Variants in GPC6 observed in about 807,000 individuals in gnomAD.
GPC6 encodes glypican-6.
A neutral mutation model predicts 55.2 loss-of-function variants in GPC6; 14 were observed. The observed-to-expected ratio is 0.25, with a 90% CI of 0.17 to 0.40. The LOEUF is 0.40. GPC6 is among the 10% of genes least tolerant of loss of function. The pLI is 1.00. For missense variants in GPC6, 641 were observed against 708.5 expected (o/e 0.90, Z 1.08); for synonymous variants, 278 against 259.6 (o/e 1.07, Z -0.68).
At chr13:94,390,704 A>T (rs1031112452) in intron 7 of GPC6, among the ~76,000 whole-genome samples, 4 of 152,158 alleles carry the variant, frequency 2.6e-5, no homozygotes, top group African/African-American at 9.7e-5. Context: ...ATGAGATTTG[A>T]ACACAAATCC....
chr13:93,614,792 GT>G (rs1316184800), intron 2 of GPC6, among the ~76,000 whole-genome samples: 1 of 152,016 alleles, frequency 6.6e-6, no homozygotes. Context: ...AGCATAACAC[GT>G]TTTGTTTAGA....
intron 2 of GPC6, among the ~76,000 whole-genome samples, chr13:93,676,309 C>G (rs913505417): frequency 2.6e-5 from 4 of 151,054 alleles, no homozygotes; most frequent in African/African-American, 9.8e-5. Flanking sequence ...CCCAGCTACT[C>G]AGGAGTCTGA....
chr13:94,187,504 C>T (rs749602945), intron 4 of GPC6: 2 of 152,206 alleles, frequency 1.3e-5, no homozygotes, highest in Non-Finnish European at 2.9e-5. Context: ...AATCGTGTCA[C>T]TTGATTATAA....
chr13:93,552,090 G>A (rs1030150443), intron 2 of GPC6, among the ~76,000 whole-genome samples: 4 of 152,136 alleles, frequency 2.6e-5, no homozygotes, highest in Non-Finnish European at 5.9e-5. Flanking sequence ...TTAGCTGAAT[G>A]CCTTCTGTAC....
At chr13:93,911,176 C>T (rs1876954836) in intron 3 of GPC6, among the ~76,000 whole-genome samples, 1 of 152,146 alleles carries the variant, frequency 6.6e-6, no homozygotes, top group African/African-American at 2.4e-5. Flanking sequence ...GAGGCATTCA[C>T]AGGCAAAGTC....
In GPC6 at chr13:93,826,141, T is replaced by G. The variant is rs1887237540; in HGVS notation, c.320-4013T>G. Among the ~76,000 whole-genome samples the G allele has an allele frequency of 2.0e-5, 3 of 152,222 alleles. No individual in the cohort carries two copies. The South Asian group carries it at 6.2e-4, about 32-fold the overall frequency. ...TCCCAAAGTGCTGAGATTACAGGCA[T>G]GAGCCACTGCACCCGGCCGGATGTC... is the stretch of plus-strand genomic sequence containing the variant. On this transcript the variant is annotated intron_variant, in intron 2 of 8. Coordinates refer to ENST00000377047, the MANE Select transcript of GPC6 (RefSeq NM_005708.5).
intron 1 of GPC6, among the ~76,000 whole-genome samples, chr13:93,543,139 C>T (rs9524117): frequency 0.12 from 18,055 of 151,838 alleles, 1,320 homozygotes; most frequent in East Asian, 0.29. Context: ...TAGCCCATTC[C>T]ATATGATATT....
intron 1 of GPC6, among the ~76,000 whole-genome samples, chr13:93,535,045 G>T (rs936831206): frequency 6.6e-6 from 1 of 152,132 alleles, no homozygotes; most frequent in Non-Finnish European, 1.5e-5. Flanking sequence ...ATGAATAAGG[G>T]TATAGCTATT....
intron 4 of GPC6, among the ~76,000 whole-genome samples, chr13:94,100,998 A>G (rs1442505881): frequency 6.6e-6 from 1 of 152,252 alleles, no homozygotes; most frequent in Non-Finnish European, 1.5e-5. Flanking sequence ...GCTGCTAAGC[A>G]CTGGTCATTG....
chr13:93,834,184 TG>T (rs1186717972), intron 3 of GPC6, among the ~76,000 whole-genome samples: 1 of 152,006 alleles, frequency 6.6e-6, no homozygotes, highest in Non-Finnish European at 1.5e-5. Flanking sequence ...TGTAGAAGAG[TG>T]TTTGTAGCAG....
intron 1 of GPC6, among the ~76,000 whole-genome samples, chr13:93,341,487 C>A (rs898874056): frequency 6.6e-6 from 1 of 152,016 alleles, no homozygotes; most frequent in Non-Finnish European, 1.5e-5. Context: ...TTTGCATATC[C>A]CTGATGATTA....
At chr13:94,209,116 A>C (rs973719336) in intron 4 of GPC6, among the ~76,000 whole-genome samples, 1 of 152,138 alleles carries the variant, frequency 6.6e-6, no homozygotes, top group African/African-American at 2.4e-5. Flanking sequence ...CATCTGCACA[A>C]CACTTGTCAA....
intron 8 of GPC6, among the ~76,000 whole-genome samples, chr13:94,398,943 T>G (rs1881011155): frequency 6.6e-6 from 1 of 152,208 alleles, no homozygotes; most frequent in Admixed American, 6.5e-5. Context: ...CAAAGTAATT[T>G]TTTCACTTTC....
chr13:94,012,374 T>G (rs559871455), intron 3 of GPC6, among the ~76,000 whole-genome samples: 1 of 152,328 alleles, frequency 6.6e-6, no homozygotes, highest in South Asian at 2.1e-4. Context: ...CAGGAAGACT[T>G]TCTCATAGGG....
At chr13:93,546,465 G>A (rs1410091365) in intron 2 of GPC6, among the ~76,000 whole-genome samples, 1 of 152,136 alleles carries the variant, frequency 6.6e-6, no homozygotes, top group Non-Finnish European at 1.5e-5. Flanking sequence ...GGTCTACCTG[G>A]TATTTTCAGT....
chr13:93,714,121 A>C (rs915322010), intron 2 of GPC6, among the ~76,000 whole-genome samples: 5 of 151,998 alleles, frequency 3.3e-5, no homozygotes, highest in African/African-American at 1.2e-4. Context: ...TCTACATAGC[A>C]AAAGAAACCA....
At chr13:94,042,023 G>A (rs1310398814) in intron 4 of GPC6, among the ~76,000 whole-genome samples, 1 of 151,806 alleles carries the variant, frequency 6.6e-6, no homozygotes, top group South Asian at 2.1e-4. Context: ...GGGCCTGGTT[G>A]GAGATGATTG....
intron 1 of GPC6, among the ~76,000 whole-genome samples, chr13:93,384,034 T>C (rs1304509176): frequency 6.6e-6 from 1 of 152,176 alleles, no homozygotes; most frequent in Non-Finnish European, 1.5e-5. Flanking sequence ...GCTTGGATCA[T>C]ACCAAAGACA....
chr13:94,069,992 C>G (rs942053502), intron 4 of GPC6, among the ~76,000 whole-genome samples: 2 of 152,216 alleles, frequency 1.3e-5, no homozygotes, highest in African/African-American at 4.8e-5. Flanking sequence ...GTGCCCCACT[C>G]TACTGCTACC....
Sources: gnomAD v4.1 joint callset for allele counts (sites outside exome capture counted in the v4.1 genomes callset) on GRCh38, gnomAD v4.1.1 for gene constraint, MANE v1.5 for transcripts, NCBI Gene and HGNC (gene_info 2026-07-23, HGNC 2026-07-21) for gene names.